USP47: variants seen among roughly 807,000 people sequenced by gnomAD.
USP47 encodes ubiquitin specific peptidase 47, also known as ubiquitin carboxyl-terminal hydrolase 47.
USP47 carries 35 observed loss-of-function variants against 165.1 expected under a neutral mutation model. The ratio of observed to expected loss-of-function variants is 0.21; its 90% CI spans 0.16 to 0.28. USP47 has a LOEUF of 0.28. Among genes scored for constraint, USP47 ranks in the 10% least tolerant of loss-of-function variants. USP47 has a pLI of 1.00. For missense variants in USP47, 1,277 were observed against 1,607.4 expected (o/e 0.79, Z 3.52); for synonymous variants, 531 against 544.5 (o/e 0.98, Z 0.35).
intron 1 of USP47, among the ~76,000 whole-genome samples, chr11:11,869,901 G>T (rs556493677): frequency 6.6e-6 from 1 of 152,236 alleles, no homozygotes; most frequent in African/African-American, 2.4e-5. Flanking sequence ...GATGTAGCAG[G>T]AAAGCCCTTG....
At chr11:11,846,665 A>G (rs1338387461) in intron 1 of USP47, among the ~76,000 whole-genome samples, 2 of 152,186 alleles carry the variant, frequency 1.3e-5, no homozygotes, top group East Asian at 3.8e-4. Flanking sequence ...GTATTAACTC[A>G]TTTGAGCTTC....
rs1337561539 is a variant in USP47, at chr11:11,961,019, T to C, written c.*4844T>C. 6.6e-6 allele frequency among the ~76,000 whole-genome samples: 1 copy of C among 152,188 alleles called. No homozygotes were observed. Among genetic ancestry groups the C allele is most frequent in the Non-Finnish European group, 1.5e-5 (1 of 68,034 alleles). On this transcript the variant is annotated 3_prime_UTR_variant, in exon 28 of 28. Transcript: ENST00000527733. ...ATAGCTCCTGTGTCAGAAATGCTTT[T>C]TGGCTTCAAATAACAGAAAAGCTAA...
In USP47 at chr11:11,904,549, T is replaced by C. The variant is rs1427046487; in HGVS notation, c.820-850T>C. Among the ~76,000 whole-genome samples, 3 of 152,214 alleles carry C rather than the reference T, an allele frequency of 2.0e-5. No homozygotes were observed. The East Asian group carries it at 5.8e-4, about 29-fold the overall frequency. ...AGATGGTATTGGGGGCTGTTTCTTC[T>C]TCATAGATCTGAAGTTACTCTTTTT... is the stretch of plus-strand genomic sequence containing the variant. On this transcript the variant is annotated intron_variant, in intron 7 of 27. Coordinates refer to ENST00000527733, the MANE Select transcript of USP47 (RefSeq NM_001282659.2).
intron 8 of USP47, among the ~76,000 whole-genome samples, chr11:11,918,884 A>G (rs1853619056): frequency 6.6e-6 from 1 of 151,990 alleles, no homozygotes; most frequent in African/African-American, 2.4e-5. Flanking sequence ...GTGTTAAGCT[A>G]TAGATGTAAT....
chr11:11,857,771 T>C (rs1435392968), intron 1 of USP47, among the ~76,000 whole-genome samples: 1 of 152,250 alleles, frequency 6.6e-6, no homozygotes, highest in African/African-American at 2.4e-5. Flanking sequence ...CTCTGGTTGG[T>C]TGCAGAAAGC....
chr11:11,864,424 G>A (rs1235779413), intron 1 of USP47, among the ~76,000 whole-genome samples: 1 of 151,770 alleles, frequency 6.6e-6, no homozygotes. Flanking sequence ...TGTACAGTTC[G>A]GTGGTACTAA....
chr11:11,905,344 T>A (rs1417139223), intron 7 of USP47, 55 bp from the exon 8 acceptor site: 1 of 1,339,842 alleles, frequency 7.5e-7, no homozygotes, highest in African/African-American at 1.5e-5. Flanking sequence ...GAATGTTACA[T>A]GTTTTAAAGG....
Position 11,957,330 on chromosome 11 carries a change from T to C in USP47, c.*1155T>C, listed in dbSNP as rs576135306. On this transcript the variant is annotated 3_prime_UTR_variant, in exon 28 of 28. Transcript: ENST00000527733. ...ACTGATGCAGTCAACATGATTTCAT[T>C]GCAGAGTTTATTAGTATCAGCAAGT... 1 of 152,702 alleles carries C rather than the reference T, an allele frequency of 6.5e-6. No homozygotes were observed. Among genetic ancestry groups the C allele is most frequent in the African/African-American group, 2.4e-5 (1 of 41,592 alleles). 9.5% of individuals were successfully genotyped at this position (152,702 alleles called of 1,614,324 possible). A position where few individuals can be genotyped will look rare whatever the true frequency, so the allele number is the denominator to read the frequency against.
At chr11:11,943,941 A>C (rs1855653332) in intron 20 of USP47, 3 of 151,894 alleles carry the variant, frequency 2.0e-5, no homozygotes, top group Admixed American at 1.3e-4. Context: ...ATTTGTTCTC[A>C]TTTAAAGCTT....
chr11:11,916,650 T>C (rs1209755692), intron 8 of USP47, among the ~76,000 whole-genome samples: 2 of 149,772 alleles, frequency 1.3e-5, no homozygotes, highest in African/African-American at 4.9e-5. Context: ...GTAAAAAGGA[T>C]CTCAGAAAAA....
intron 2 of USP47, among the ~76,000 whole-genome samples, chr11:11,881,269 G>A (rs1850809015): frequency 6.6e-6 from 1 of 152,036 alleles, no homozygotes; most frequent in Non-Finnish European, 1.5e-5. Context: ...TGACTCTTTA[G>A]GGTTAGGAGC....
At chr11:11,931,653 G>C (rs1211740201) in intron 14 of USP47, among the ~76,000 whole-genome samples, 1 of 152,116 alleles carries the variant, frequency 6.6e-6, no homozygotes, top group Non-Finnish European at 1.5e-5. Flanking sequence ...AAGCACCAGA[G>C]GGCGCTGTAT....
intron 5 of USP47, among the ~76,000 whole-genome samples, chr11:11,900,887 A>G (rs1456028628): frequency 6.6e-6 from 1 of 152,212 alleles, no homozygotes; most frequent in Non-Finnish European, 1.5e-5. Flanking sequence ...TAGTGAATTT[A>G]CCACACAAGA....
In USP47 at chr11:11,942,549, TA is replaced by T. The variant is rs759181142; in HGVS notation, c.2529del (p.Gly844GlufsTer3). ...DDDCERVKGP[V>X]GSLKSVEAIL... ...GACTGTGAAAGAGTCAAAGGACCTG[TA>T]GGAAGCCTAAAGTCTGTGGAAGCTA... is the stretch of plus-strand genomic sequence containing the variant. On this transcript the variant is annotated frameshift_variant, in exon 20 of 28. Transcript: ENST00000527733. LOFTEE classifies it high-confidence loss of function. The T allele has an allele frequency of 6.2e-7, 1 of 1,613,530 alleles. No homozygotes were observed. The highest frequency in any genetic ancestry group is 1.1e-5 in the South Asian group (1 of 91,062).
intron 1 of USP47, among the ~76,000 whole-genome samples, chr11:11,854,109 A>C (rs1395102516): frequency 7.5e-6 from 1 of 132,542 alleles, no homozygotes; most frequent in Non-Finnish European, 1.7e-5. Flanking sequence ...CACTCCAGCT[A>C]GGGGGACAGG....
intron 1 of USP47, among the ~76,000 whole-genome samples, chr11:11,877,402 G>C (rs778661203): frequency 1.1e-4 from 17 of 152,058 alleles, no homozygotes; most frequent in Non-Finnish European, 2.5e-4. Context: ...CTAGCTTAGA[G>C]CTTTAAAGAA....
intron 8 of USP47, among the ~76,000 whole-genome samples, chr11:11,907,867 G>C (rs567800921): frequency 1.3e-5 from 2 of 152,042 alleles, no homozygotes; most frequent in African/African-American, 2.4e-5. Context: ...AAGCCGAGGC[G>C]GGCAGATCAC....
At chr11:11,895,035 T>C (rs1851764056) in intron 4 of USP47, among the ~76,000 whole-genome samples, 1 of 152,152 alleles carries the variant, frequency 6.6e-6, no homozygotes, top group South Asian at 2.1e-4. Flanking sequence ...ATATGGGGCT[T>C]TAAATGGCTG....
rs1241669624 is a variant in USP47, at chr11:11,958,620, A to C, written c.*2445A>C. ...ACCCTGCTCCCCACAAGTCATGCAA[A>C]GGTTTTGAAGAGCTTTTACCGTGGG... On this transcript the variant is annotated 3_prime_UTR_variant, in exon 28 of 28. Coordinates refer to ENST00000527733, the MANE Select transcript of USP47 (RefSeq NM_001282659.2). The C allele has an allele frequency of 1.3e-5, 2 of 152,210 alleles. No homozygotes were observed. Among genetic ancestry groups the C allele is most frequent in the Non-Finnish European group, 2.9e-5 (2 of 68,040 alleles). The allele number at this position is 152,210 out of a possible 1,614,324, so 9.4% of individuals were successfully genotyped here.
Sources: gnomAD v4.1 joint callset for allele counts (sites outside exome capture counted in the v4.1 genomes callset) on GRCh38, gnomAD v4.1.1 for gene constraint, MANE v1.5 for transcripts, NCBI Gene and HGNC (gene_info 2026-07-23, HGNC 2026-07-21) for gene names.